Variants in EPB41L3 observed in about 807,000 individuals in gnomAD.
The protein encoded by EPB41L3 is band 4.1-like protein 3.
Under a neutral mutation model 127.1 loss-of-function variants are expected in EPB41L3, and 57 were observed. That is an observed-to-expected ratio of 0.45 (90% CI 0.36 to 0.56). The LOEUF (loss-of-function observed/expected upper bound fraction) is 0.56. Among genes scored for constraint, EPB41L3 ranks in the 20% least tolerant of loss-of-function variants. The pLI, the probability that EPB41L3 is intolerant of heterozygous loss-of-function variation, is 0.00. For missense variants in EPB41L3, 1,273 were observed against 1,372.2 expected (o/e 0.93, Z 1.14); for synonymous variants, 572 against 549.5 (o/e 1.04, Z -0.57).
At chr18:5,615,202 C>CTT (rs112471454) in intron 1 of EPB41L3, among the ~76,000 whole-genome samples, 15,619 of 151,268 alleles carry the variant, frequency 0.1, 836 homozygotes, top group Middle Eastern at 0.16. Flanking sequence ...CTAATTCAGA[C>CTT]TTTTTTTTTA....
intron 20 of EPB41L3, 107 bp downstream of exon 20, chr18:5,395,502 T>C: frequency 9.5e-7 from 1 of 1,056,556 alleles, no homozygotes; most frequent in Non-Finnish European, 1.4e-6. Context: ...GTCCTGAGCT[T>C]CAAGCCACCT....
chr18:5,600,670 C>A (rs1476599840), intron 3 of EPB41L3, among the ~76,000 whole-genome samples: 1 of 152,094 alleles, frequency 6.6e-6, no homozygotes, highest in Non-Finnish European at 1.5e-5. Flanking sequence ...GGCACTCATC[C>A]TTTCGTTTTA....
intron 3 of EPB41L3, among the ~76,000 whole-genome samples, chr18:5,476,202 C>G (rs919408657): frequency 2.0e-5 from 3 of 152,062 alleles, no homozygotes; most frequent in Non-Finnish European, 4.4e-5. Flanking sequence ...AAGATGTCAG[C>G]CGTGAACATG....
At chr18:5,417,332 T>C (rs1180574513) in intron 12 of EPB41L3, among the ~76,000 whole-genome samples, 2 of 152,106 alleles carry the variant, frequency 1.3e-5, no homozygotes, top group Non-Finnish European at 2.9e-5. Context: ...ATGGGGCAAG[T>C]GAATCTGCTT....
intron 3 of EPB41L3, among the ~76,000 whole-genome samples, chr18:5,593,144 CT>C (rs1452214668): frequency 1.3e-5 from 2 of 152,074 alleles, no homozygotes; most frequent in Admixed American, 6.6e-5. Flanking sequence ...TTTTACTGTT[CT>C]TTTTTAGCAT....
intron 3 of EPB41L3, among the ~76,000 whole-genome samples, chr18:5,584,796 C>T (rs1182926178): frequency 1.3e-5 from 2 of 152,104 alleles, no homozygotes; most frequent in South Asian, 4.2e-4. Flanking sequence ...TGAGACATCC[C>T]AAAGTATCAA....
chr18:5,541,252 CA>C (rs370717420), intron 1 of EPB41L3, among the ~76,000 whole-genome samples: 1,140 of 46,514 alleles, frequency 0.025, 2 homozygotes, highest in East Asian at 0.061. Flanking sequence ...GACTCCATCT[CA>C]AAAAAAAAAA....
In EPB41L3 at chr18:5,433,547, C is replaced by A. The variant is rs201803688; in HGVS notation, c.834G>T (p.Thr278=). ...IELHKSHRGM[T]PAEAEMHFLE... ...AGAAATGCATCTCTGCTTCTGCTGG[C>A]GTCATTCCTCTGATGAGAAGAAAAA... is the stretch of plus-strand genomic sequence containing the variant. Residue 278 remains threonine (T), a synonymous_variant, in exon 8 of 23, where the codon ACG becomes ACT. Transcript: ENST00000341928. 1.9e-6 allele frequency: 3 copies of A among 1,612,044 alleles called. No homozygotes were observed. The highest frequency in any genetic ancestry group is 1.1e-5 in the South Asian group (1 of 90,818).
chr18:5,503,831 A>C (rs959205429), intron 1 of EPB41L3, among the ~76,000 whole-genome samples: 10 of 152,054 alleles, frequency 6.6e-5, no homozygotes, highest in African/African-American at 2.4e-4. Context: ...TGCTGACTAC[A>C]CTCTTGAATT....
At chr18:5,505,867 TTCCACACCTTCACCTCCACCCCTACCC>T (rs2092149906) in intron 1 of EPB41L3, among the ~76,000 whole-genome samples, 1 of 19,820 alleles carries the variant, frequency 5.0e-5, no homozygotes, top group African/African-American at 2.1e-4. Flanking sequence ...CACCCCTACC[TTCCACACCTTCACCTCCACCCCTACCC>T]TCCACACCTT....
chr18:5,417,754 T>C (rs767875312), intron 12 of EPB41L3, among the ~76,000 whole-genome samples: 15 of 152,222 alleles, frequency 9.9e-5, no homozygotes, highest in Non-Finnish European at 1.8e-4. Flanking sequence ...CTTTTTACGA[T>C]GAGAGAAGTA....
At chr18:5,433,754 C>T in intron 7 of EPB41L3, 149 bp downstream of exon 7, 1 of 942,044 alleles carries the variant, frequency 1.1e-6, no homozygotes, top group Non-Finnish European at 1.6e-6. Context: ...TGAGAGCTTG[C>T]CCATCTCAGA....
Position 5,465,945 on chromosome 18 carries a change from G to A in EPB41L3, c.381+12296C>T, listed in dbSNP as rs528814343. On this transcript the variant is annotated intron_variant, in intron 3 of 22. Coordinates refer to ENST00000341928, the MANE Select transcript of EPB41L3 (RefSeq NM_012307.5). ...CACATTTTTAACAGTCTGGGGGTGA[G>A]TGATCCATATGTATTACCACCACCA... 1.5e-4 allele frequency among the ~76,000 whole-genome samples: 23 copies of A among 149,508 alleles called. No homozygotes were observed. In the South Asian group the frequency reaches 4.3e-3, roughly 28 times the overall value.
At chr18:5,408,440 A>AT (rs896165077) in intron 14 of EPB41L3, among the ~76,000 whole-genome samples, 2 of 151,236 alleles carry the variant, frequency 1.3e-5, no homozygotes, top group East Asian at 3.9e-4. Context: ...TGCCTAGCTA[A>AT]TTTTTTGTAT....
intron 3 of EPB41L3, among the ~76,000 whole-genome samples, chr18:5,602,044 T>G (rs974441841): frequency 7.2e-5 from 11 of 152,066 alleles, no homozygotes; most frequent in African/African-American, 2.4e-4. Flanking sequence ...ATTAAACAAA[T>G]TATGTTAAGT....
chr18:5,459,290 G>C (rs777756326), intron 3 of EPB41L3, among the ~76,000 whole-genome samples: 2 of 151,926 alleles, frequency 1.3e-5, no homozygotes, highest in South Asian at 4.2e-4. Flanking sequence ...CGAATATATA[G>C]CTCTGAAATA....
intron 3 of EPB41L3, among the ~76,000 whole-genome samples, chr18:5,550,942 C>T: frequency 6.6e-6 from 1 of 152,202 alleles, no homozygotes; most frequent in East Asian, 1.9e-4. Context: ...TCCACCACCT[C>T]TTCCCCTCCC....
At chr18:5,478,150 T>C (rs2087626400) in intron 3 of EPB41L3, 91 bp downstream of exon 3, 8 of 1,174,466 alleles carry the variant, frequency 6.8e-6, no homozygotes, top group East Asian at 2.4e-5. Context: ...TCCAGAGTCC[T>C]AGAAAAATAA....
chr18:5,444,224 T>C (rs2081172233), intron 4 of EPB41L3, among the ~76,000 whole-genome samples: 1 of 152,246 alleles, frequency 6.6e-6, no homozygotes, highest in African/African-American at 2.4e-5. Flanking sequence ...AAAATATATG[T>C]AACTGGATAC....
Sources: gnomAD v4.1 joint callset for allele counts (sites outside exome capture counted in the v4.1 genomes callset) on GRCh38, gnomAD v4.1.1 for gene constraint, MANE v1.5 for transcripts, NCBI Gene and HGNC (gene_info 2026-07-23, HGNC 2026-07-21) for gene names.